Variants in STK31 observed in about 807,000 individuals in gnomAD.
STK31 encodes the protein serine/threonine kinase 31, also known as serine/threonine-protein kinase 31.
Under a neutral mutation model 129.7 loss-of-function variants are expected in STK31, and 89 were observed. The observed-to-expected ratio is 0.69, with a 90% CI of 0.58 to 0.82. The LOEUF (loss-of-function observed/expected upper bound fraction) is 0.82. Among genes scored for constraint, STK31 ranks in the 40% least tolerant of loss-of-function variants. The pLI is 0.00. For synonymous variants in STK31, 448 were observed against 395.3 expected (o/e 1.13, Z -1.58); for missense variants, 1,187 against 1,176.4 (o/e 1.01, Z -0.13).
chr7:23,796,392 C>A (rs775031532), intron 22 of STK31, among the ~76,000 whole-genome samples: 1 of 151,324 alleles, frequency 6.6e-6, no homozygotes, highest in Non-Finnish European at 1.5e-5. Flanking sequence ...CATAAGATAT[C>A]CCATAAGTGT....
chr7:23,726,616 CAA>C (rs768158362), intron 4 of STK31, among the ~76,000 whole-genome samples: 16 of 108,390 alleles, frequency 1.5e-4, no homozygotes, highest in African/African-American at 1.4e-4. Context: ...GACCCTGTCT[CAA>C]AAAAAAAAAA....
chr7:23,830,023 C>G (rs1338056488), intron 23 of STK31, among the ~76,000 whole-genome samples: 1 of 152,136 alleles, frequency 6.6e-6, no homozygotes, highest in Non-Finnish European at 1.5e-5. Context: ...AATCTTGGCT[C>G]ACTGCAAGCT....
At chr7:23,810,703 TATATATAAAATAGATATATATAAAATAG>T (rs1313258073) in intron 22 of STK31, among the ~76,000 whole-genome samples, 42 of 73,194 alleles carry the variant, frequency 5.7e-4, no homozygotes, top group African/African-American at 1.5e-3. Context: ...ATAAAATAGA[TATATATAAAATAGATATATATAAAATAG>T]ATATATATAA....
chr7:23,791,287 C>T (rs1335437992), intron 22 of STK31: 1 of 984,988 alleles, frequency 1.0e-6, no homozygotes, highest in Non-Finnish European at 1.2e-6. Flanking sequence ...CAGTGTAGAC[C>T]AAATAGCTGT....
rs1583359325 is a variant in STK31, at chr7:23,832,287, A to T, written c.2981A>T (p.Lys994Met). 1 of 1,614,084 alleles carries T rather than the reference A, an allele frequency of 6.2e-7. No individual in the cohort carries two copies. ...GATACTGAATACACCCTATATAAAA[A>T]GGAAGAAGAAATAAAGACGGAGAAC... ...EKDTEYTLYK[K>M]EEEIKTENLD... The change falls in exon 24 of 24, where the codon AAG (lysine) becomes ATG (methionine). Residue 994 changes from lysine (K) to methionine (M), a missense_variant. Coordinates refer to ENST00000355870, the MANE Select transcript of STK31 (RefSeq NM_031414.5).
At chr7:23,802,041 T>TA (rs1792405884) in intron 22 of STK31, among the ~76,000 whole-genome samples, 1 of 152,226 alleles carries the variant, frequency 6.6e-6, no homozygotes, top group Admixed American at 6.5e-5. Context: ...TTTTACATCT[T>TA]ACCTTATTTT....
intron 8 of STK31, among the ~76,000 whole-genome samples, chr7:23,742,274 A>T (rs544851782): frequency 1.3e-5 from 2 of 152,328 alleles, no homozygotes; most frequent in South Asian, 4.1e-4. Context: ...TGTATGGAGT[A>T]TGATCTACTT....
chr7:23,748,199 A>G (rs1460023527), intron 8 of STK31, among the ~76,000 whole-genome samples: 1 of 151,764 alleles, frequency 6.6e-6, no homozygotes, highest in Non-Finnish European at 1.5e-5. Flanking sequence ...TTCTTCTTTG[A>G]CTCATGTGTT....
At chr7:23,777,272 T>A (rs151239390) in intron 15 of STK31, among the ~76,000 whole-genome samples, 658 of 152,338 alleles carry the variant, frequency 4.3e-3, no homozygotes, top group African/African-American at 0.013. Context: ...ATAAGTGTGA[T>A]GTGGTGCTGA....
rs935697769 is a variant in STK31, at chr7:23,823,166, T to G, written c.2829+7954T>G. On this transcript the variant is annotated intron_variant, in intron 23 of 23. Coordinates refer to ENST00000355870, the MANE Select transcript of STK31 (RefSeq NM_031414.5). ...TTCTAGTTCTAGATCCCTGAGGAAT[T>G]GCCACACCGACTTCCACAATGGTTG... Among the ~76,000 whole-genome samples the G allele has an allele frequency of 3.3e-5, 5 of 152,280 alleles. No homozygotes were observed. In the East Asian group the frequency reaches 7.7e-4, roughly 24 times the overall value.
At chr7:23,818,319 A>G (rs909363386) in intron 23 of STK31, among the ~76,000 whole-genome samples, 1 of 152,024 alleles carries the variant, frequency 6.6e-6, no homozygotes, top group Non-Finnish European at 1.5e-5. Context: ...TCTTTTCCCC[A>G]GTTGAAAAAA....
chr7:23,759,565 T>A (rs1160575580), intron 10 of STK31, among the ~76,000 whole-genome samples: 1 of 152,202 alleles, frequency 6.6e-6, no homozygotes, highest in East Asian at 1.9e-4. Flanking sequence ...AATAATTTCC[T>A]TCATTTATTG....
At chr7:23,715,526 G>A (rs1786260114) in intron 3 of STK31, among the ~76,000 whole-genome samples, 1 of 151,878 alleles carries the variant, frequency 6.6e-6, no homozygotes, top group African/African-American at 2.4e-5. Context: ...GGCTGAGGGT[G>A]GGAAGATTGC....
chr7:23,724,390 TAG>T (rs376282995), intron 4 of STK31, among the ~76,000 whole-genome samples: 10 of 152,266 alleles, frequency 6.6e-5, no homozygotes, highest in Admixed American at 2.0e-4. Context: ...CTTTCCCAGC[TAG>T]AGAGAGTCTT....
At chr7:23,794,571 T>C (rs1381504500) in intron 22 of STK31, among the ~76,000 whole-genome samples, 1 of 151,824 alleles carries the variant, frequency 6.6e-6, no homozygotes, top group Non-Finnish European at 1.5e-5. Flanking sequence ...TGGGCAGAGG[T>C]TGGAGGGCTC....
rs971732175 is a variant in STK31, at chr7:23,781,066, C to G, written c.1966-353C>G. ...ACTAAATATCATGTAGAAGACAATTCTAGGGAATTCAGGTGTATTCTGGTT... is the reference window on the plus strand; with the variant it reads ...ACTAAATATCATGTAGAAGACAATTGTAGGGAATTCAGGTGTATTCTGGTT... On this transcript the variant is annotated intron_variant, in intron 15 of 23. Coordinates refer to ENST00000355870, the MANE Select transcript of STK31 (RefSeq NM_031414.5). Among the ~76,000 whole-genome samples, 6 of 152,156 alleles carry G rather than the reference C, an allele frequency of 3.9e-5. No homozygotes were observed. In the East Asian group the frequency reaches 9.6e-4, roughly 24 times the overall value.
intron 11 of STK31, among the ~76,000 whole-genome samples, chr7:23,763,309 G>A (rs1789592410): frequency 1.3e-5 from 2 of 152,106 alleles, no homozygotes; most frequent in South Asian, 4.1e-4. Context: ...TAGGCTCCAT[G>A]ACCAGGGAAG....
chr7:23,712,976 C>CGTAAT (rs1332856091), intron 3 of STK31, among the ~76,000 whole-genome samples: 1 of 151,842 alleles, frequency 6.6e-6, no homozygotes, highest in African/African-American at 2.4e-5. Flanking sequence ...GAGGTGAACT[C>CGTAAT]GTAATGTGGG....
intron 10 of STK31, 34 bp from the exon 11 acceptor site, chr7:23,762,767 A>G (rs774476590): frequency 3.1e-6 from 5 of 1,604,808 alleles, no homozygotes; most frequent in East Asian, 2.2e-5. Flanking sequence ...GACCTGATGT[A>G]TTAATGATGG....
Sources: gnomAD v4.1 joint callset for allele counts (sites outside exome capture counted in the v4.1 genomes callset) on GRCh38, gnomAD v4.1.1 for gene constraint, MANE v1.5 for transcripts, NCBI Gene and HGNC (gene_info 2026-07-23, HGNC 2026-07-21) for gene names.